MALT1: variants seen among roughly 807,000 people sequenced by gnomAD.
MALT1 encodes mucosa-associated lymphoid tissue lymphoma translocation protein 1.
MALT1 carries 36 observed loss-of-function variants against 85.5 expected under a neutral mutation model. The observed-to-expected ratio is 0.42, with a 90% CI of 0.32 to 0.56. The LOEUF (loss-of-function observed/expected upper bound fraction) is 0.56, where lower values mean the gene tolerates loss of function less well. MALT1 is among the 20% of genes least tolerant of loss of function. The pLI is 0.10. For synonymous variants in MALT1, 359 were observed against 361.3 expected (o/e 0.99, Z 0.07); for missense variants, 716 against 981.6 (o/e 0.73, Z 3.62).
chr18:58,693,227 C>T (rs1321008934), intron 2 of MALT1, among the ~76,000 whole-genome samples: 1 of 152,024 alleles, frequency 6.6e-6, no homozygotes, highest in Admixed American at 6.5e-5. Flanking sequence ...TTGATACCAG[C>T]CTGGGCAACA....
chr18:58,721,975 T>C (rs2054989847), intron 9 of MALT1, among the ~76,000 whole-genome samples: 1 of 152,220 alleles, frequency 6.6e-6, no homozygotes, highest in Non-Finnish European at 1.5e-5. Context: ...CCTGTCTCTC[T>C]GCTCCCTGGC....
At chr18:58,725,835 C>T (rs754128201) in intron 10 of MALT1, among the ~76,000 whole-genome samples, 3 of 152,124 alleles carry the variant, frequency 2.0e-5, no homozygotes, top group Non-Finnish European at 4.4e-5. Context: ...CCAAGGCGGG[C>T]AGATCACCTA....
At chr18:58,726,269 G>A (rs2055053149) in intron 10 of MALT1, among the ~76,000 whole-genome samples, 1 of 152,198 alleles carries the variant, frequency 6.6e-6, no homozygotes, top group Non-Finnish European at 1.5e-5. Context: ...TGTCTTAACA[G>A]GGTGGCTGCA....
At chr18:58,716,752 A>G (rs1230099498) in intron 9 of MALT1, among the ~76,000 whole-genome samples, 1 of 152,204 alleles carries the variant, frequency 6.6e-6, no homozygotes, top group Non-Finnish European at 1.5e-5. Flanking sequence ...GATAGGGCAT[A>G]TATTCAAAGT....
At chr18:58,704,520 G>A (rs977230869) in intron 4 of MALT1, among the ~76,000 whole-genome samples, 12 of 152,178 alleles carry the variant, frequency 7.9e-5, no homozygotes, top group Non-Finnish European at 1.8e-4. Context: ...GCAGTGGCAC[G>A]ATCATGGCTC....
Position 58,697,743 on chromosome 18 carries a change from T to A in MALT1, c.498+1256T>A, listed in dbSNP as rs544750665. Reference sequence around the variant, plus strand: ...AGAGTTGAAGAGTTGTAATGGATTTTAAAACTCTTAAGTTTTGTAAAACCA... The same window carrying A: ...AGAGTTGAAGAGTTGTAATGGATTTAAAAACTCTTAAGTTTTGTAAAACCA... On this transcript the variant is annotated intron_variant, in intron 3 of 16. Transcript: ENST00000649217. Among the ~76,000 whole-genome samples the A allele has an allele frequency of 2.6e-5, 4 of 152,328 alleles. No homozygotes were observed. The East Asian group carries it at 7.7e-4, about 29-fold the overall frequency.
rs1337779896 is a variant in MALT1, at chr18:58,749,996, A to G, written c.*2154A>G. The G allele has an allele frequency of 4.9e-6, 1 of 202,802 alleles. No homozygotes were observed. Among genetic ancestry groups the G allele is most frequent in the African/African-American group, 2.3e-5 (1 of 43,668 alleles). 12.6% of individuals were successfully genotyped at this position (202,802 alleles called of 1,614,324 possible). ...AGGTTAGGAATTCAAGGTTTGTTCA[A>G]CATCTAAAAATCAAATAAGCTAATA... On this transcript the variant is annotated 3_prime_UTR_variant, in exon 17 of 17. Transcript: ENST00000649217.
At chr18:58,687,150 T>C (rs1046384283) in intron 2 of MALT1, among the ~76,000 whole-genome samples, 6 of 152,222 alleles carry the variant, frequency 3.9e-5, no homozygotes, top group African/African-American at 1.2e-4. Context: ...GGACTTTTCT[T>C]ATTTCATGAA....
chr18:58,692,441 T>TCTCCCTCC (rs34461599), intron 2 of MALT1, among the ~76,000 whole-genome samples: 3 of 119,630 alleles, frequency 2.5e-5, no homozygotes, highest in South Asian at 2.8e-4. Flanking sequence ...TCTCTCACTC[T>TCTCCCTCC]CTCCCTCCCT....
intron 9 of MALT1, among the ~76,000 whole-genome samples, chr18:58,722,702 T>A (rs1440630017): frequency 6.6e-6 from 1 of 152,258 alleles, no homozygotes; most frequent in Non-Finnish European, 1.5e-5. Flanking sequence ...TTAAATTTTC[T>A]CCAAAAGTCT....
chr18:58,680,925 G>A (rs1285639525), intron 1 of MALT1, among the ~76,000 whole-genome samples: 1 of 80,278 alleles, frequency 1.2e-5, no homozygotes, highest in African/African-American at 4.5e-5. Context: ...GCGAGACTCC[G>A]TCTCAAAAAA....
intron 1 of MALT1, chr18:58,672,113 C>G (rs2054171997): frequency 3.1e-6 from 1 of 324,190 alleles, no homozygotes; most frequent in East Asian, 4.8e-5. Context: ...GTTCCCACCC[C>G]CGCCCCTGGT....
chr18:58,715,697 A>G (rs1303850952), intron 8 of MALT1, among the ~76,000 whole-genome samples: 2 of 152,184 alleles, frequency 1.3e-5, no homozygotes, highest in South Asian at 2.1e-4. Flanking sequence ...TAGATCTGTT[A>G]TATATAAAGC....
At chr18:58,719,966 G>C (rs2054961373) in intron 9 of MALT1, among the ~76,000 whole-genome samples, 1 of 152,182 alleles carries the variant, frequency 6.6e-6, no homozygotes, top group Non-Finnish European at 1.5e-5. Flanking sequence ...ATTTAGAAAA[G>C]TAACATAATA....
chr18:58,672,197 G>A (rs1036293758), intron 1 of MALT1: 4 of 218,984 alleles, frequency 1.8e-5, no homozygotes, highest in Non-Finnish European at 2.7e-5. Context: ...CTAGGATGGG[G>A]CAGTCATCCA....
In MALT1 at chr18:58,719,875, T is replaced by A. The variant is rs183324777; in HGVS notation, c.1019-3173T>A. 3.8e-3 allele frequency among the ~76,000 whole-genome samples: 584 copies of A among 152,216 alleles called. 3 individuals are homozygous for A. The highest frequency in any genetic ancestry group is 5.5e-3 in the Non-Finnish European group (374 of 68,028). On this transcript the variant is annotated intron_variant, in intron 9 of 16. Coordinates refer to ENST00000649217, the MANE Select transcript of MALT1 (RefSeq NM_006785.4). ...CATGGAGAGTCATTAAAAGATTTAA[T>A]ACATGTGATTTTTAAATAAATACTT...
intron 1 of MALT1, 22 bp downstream of exon 1, chr18:58,671,874 G>A (rs1487830625): frequency 1.6e-6 from 2 of 1,214,116 alleles, no homozygotes; most frequent in South Asian, 8.2e-5. Flanking sequence ...GCCGCGGCAG[G>A]CCGGGCGCGC....
At position 58,721,865 on chromosome 18, in the gene MALT1, G is replaced by T. The variant is rs534583953; in HGVS notation, c.1019-1183G>T. ...TACTTAGCAGCACTTTGTGGCAGGG[G>T]TTGGTTACCAAGTCCTGGCCTGCGT... On this transcript the variant is annotated intron_variant, in intron 9 of 16. Transcript: ENST00000649217. Among the ~76,000 whole-genome samples, 4 of 152,308 alleles carry T rather than the reference G, an allele frequency of 2.6e-5. No individual in the cohort carries two copies. In the East Asian group the frequency reaches 7.7e-4, roughly 29 times the overall value.
At chr18:58,699,861 T>C (rs8092917) in intron 3 of MALT1, among the ~76,000 whole-genome samples, 18,034 of 152,230 alleles carry the variant, frequency 0.12, 1,632 homozygotes, top group African/African-American at 0.26. Flanking sequence ...CCATCCCGTC[T>C]TACTGTCTCA....
Sources: gnomAD v4.1 joint callset for allele counts (sites outside exome capture counted in the v4.1 genomes callset) on GRCh38, gnomAD v4.1.1 for gene constraint, MANE v1.5 for transcripts, NCBI Gene and HGNC (gene_info 2026-07-23, HGNC 2026-07-21) for gene names.